Variants in ZNF680 observed in about 807,000 individuals in gnomAD.
ZNF680 encodes zinc finger protein 680.
A neutral mutation model predicts 12.1 loss-of-function variants in ZNF680; 6 were observed. The ratio of observed to expected loss-of-function variants is 0.49; its 90% CI spans 0.27 to 0.98. ZNF680 has a LOEUF of 0.98. ZNF680 is among the 50% of genes least tolerant of loss of function. The probability of loss-of-function intolerance (pLI) is 0.12; values close to 1 mark genes in which losing one functional copy is unlikely to be tolerated. For synonymous variants in ZNF680, 170 were observed against 199.3 expected (o/e 0.85, Z 1.24); for missense variants, 561 against 616.3 (o/e 0.91, Z 0.95).
chr7:64,519,584 C>T (rs1212758204), downstream of ZNF680, among the ~76,000 whole-genome samples: 4 of 151,750 alleles, frequency 2.6e-5, no homozygotes, highest in Admixed American at 6.6e-5. Flanking sequence ...CATGCTGTTT[C>T]GATGACTAAA....
intron 1 of ZNF680, 150 bp from the exon 2 acceptor site, chr7:64,544,582 A>C: frequency 7.4e-7 from 1 of 1,345,226 alleles, no homozygotes; most frequent in Non-Finnish European, 9.7e-7. Context: ...ATTATACAAT[A>C]AAATAAATTT....
At chr7:64,527,079 AG>A (rs1214686426) in intron 3 of ZNF680, among the ~76,000 whole-genome samples, 1 of 152,136 alleles carries the variant, frequency 6.6e-6, no homozygotes, top group Non-Finnish European at 1.5e-5. Context: ...CTCTACTAAA[AG>A]TACAAAAATT....
At chr7:64,500,746 G>T in the ZNF680 span, 1 of 285,060 alleles carries the variant, frequency 3.5e-6, no homozygotes, top group East Asian at 1.0e-4. Context: ...CGTAGAACCT[G>T]GGAGTAGGAG....
At chr7:64,515,910 C>A (rs1791344449), downstream of ZNF680, among the ~76,000 whole-genome samples, 1 of 152,040 alleles carries the variant, frequency 6.6e-6, no homozygotes, top group African/African-American at 2.4e-5. Flanking sequence ...GCCAAGCTTT[C>A]ACTTCAGCTT....
chr7:64,508,142 T>TATATAC, the ZNF680 span, among the ~76,000 whole-genome samples: 8 of 112,184 alleles, frequency 7.1e-5, no homozygotes, highest in South Asian at 5.7e-4. Flanking sequence ...TATATATATA[T>TATATAC]ACATAATTTT....
chr7:64,533,454 A>G (rs1274362413), intron 3 of ZNF680, among the ~76,000 whole-genome samples: 1 of 152,146 alleles, frequency 6.6e-6, no homozygotes, highest in East Asian at 1.9e-4. Flanking sequence ...AAATATACCT[A>G]ATCAATTACA....
the ZNF680 span, among the ~76,000 whole-genome samples, chr7:64,514,045 A>T: frequency 1.4e-4 from 21 of 152,160 alleles, no homozygotes; most frequent in Admixed American, 1.0e-3. Flanking sequence ...GTAATTTAAA[A>T]TTTTATTTCA....
chr7:64,531,338 G>A (rs762354125), intron 3 of ZNF680, among the ~76,000 whole-genome samples: 7 of 152,102 alleles, frequency 4.6e-5, no homozygotes, highest in Non-Finnish European at 8.8e-5. Context: ...ACTCACGCCT[G>A]TAATCCCAGC....
At chr7:64,512,367 C>T in the ZNF680 span, among the ~76,000 whole-genome samples, 8 of 148,480 alleles carry the variant, frequency 5.4e-5, no homozygotes, top group South Asian at 2.1e-4. Context: ...GCAGGAAAAT[C>T]GTTTGAACCC....
At chr7:64,529,120 A>G (rs1785724662) in intron 3 of ZNF680, among the ~76,000 whole-genome samples, 1 of 152,188 alleles carries the variant, frequency 6.6e-6, no homozygotes, top group African/African-American at 2.4e-5. Context: ...CCACAGGAAA[A>G]GGGTAGAATA....
rs573786981 is a variant in ZNF680 at position 64,557,853 on chromosome 7, G to C, written c.30+5072C>G. Among the ~76,000 whole-genome samples the C allele has an allele frequency of 5.3e-5, 8 of 152,344 alleles. No homozygotes were observed. In the South Asian group the frequency reaches 1.2e-3, roughly 24 times the overall value. ...GAGAGGAAAAACAGACACAGGCCTAGTTGAGGGTGGTGGGTAGGAGGACAG... is the reference window on the plus strand; with the variant it reads ...GAGAGGAAAAACAGACACAGGCCTACTTGAGGGTGGTGGGTAGGAGGACAG... On this transcript the variant is annotated intron_variant, in intron 1 of 3. Coordinates refer to ENST00000309683, the MANE Select transcript of ZNF680 (RefSeq NM_178558.5).
chr7:64,520,149 C>T lies in ZNF680; in HGVS notation c.*1012G>A, dbSNP rs539455617. ...TCATCATAAACCTTACATTTTAATG[C>T]CCATACTCTTCCACAGAAAAAACCA... On this transcript the variant is annotated 3_prime_UTR_variant, in exon 4 of 4. Coordinates refer to ENST00000309683, the MANE Select transcript of ZNF680 (RefSeq NM_178558.5). 6 of 151,670 alleles carry T rather than the reference C, an allele frequency of 4.0e-5. No homozygotes were observed. The highest frequency in any genetic ancestry group is 4.1e-4 in the South Asian group (2 of 4,830). The allele number at this position is 151,670 out of a possible 1,614,324, so 9.4% of individuals were successfully genotyped here. A position where few individuals can be genotyped will look rare whatever the true frequency, so the allele number is the denominator to read the frequency against.
intron 3 of ZNF680, among the ~76,000 whole-genome samples, chr7:64,527,525 G>A (rs945473338): frequency 1.6e-4 from 24 of 152,012 alleles, no homozygotes; most frequent in Non-Finnish European, 2.8e-4. Context: ...GAGAATCCCC[G>A]TCTCTACTAA....
the ZNF680 span, among the ~76,000 whole-genome samples, chr7:64,506,208 T>C: frequency 2.6e-5 from 4 of 151,122 alleles, no homozygotes; most frequent in African/African-American, 9.7e-5. Flanking sequence ...TTTTTTTTTT[T>C]TTTTTTGAGA....
chr7:64,531,100 G>A (rs1214542932), intron 3 of ZNF680, among the ~76,000 whole-genome samples: 2 of 151,788 alleles, frequency 1.3e-5, no homozygotes, highest in Non-Finnish European at 2.9e-5. Context: ...AAGAAACAAC[G>A]GACTTAAACT....
At chr7:64,502,465 G>A in the ZNF680 span, among the ~76,000 whole-genome samples, 2 of 152,112 alleles carry the variant, frequency 1.3e-5, no homozygotes, top group Non-Finnish European at 2.9e-5. Flanking sequence ...AGAAGTATGT[G>A]TGTTACACCC....
At chr7:64,547,246 T>A (rs917845763) in intron 1 of ZNF680, among the ~76,000 whole-genome samples, 2 of 152,226 alleles carry the variant, frequency 1.3e-5, no homozygotes, top group Non-Finnish European at 2.9e-5. Flanking sequence ...TTGCTCTTCC[T>A]GGGCTCATTA....
At chr7:64,529,072 A>G (rs935868943) in intron 3 of ZNF680, among the ~76,000 whole-genome samples, 1 of 152,158 alleles carries the variant, frequency 6.6e-6, no homozygotes, top group African/African-American at 2.4e-5. Context: ...TAGAAGGGAG[A>G]TAACAATCAA....
At chr7:64,560,539 C>G (rs1444530352) in intron 1 of ZNF680, among the ~76,000 whole-genome samples, 1 of 152,128 alleles carries the variant, frequency 6.6e-6, no homozygotes, top group Non-Finnish European at 1.5e-5. Context: ...AGGCTGGGTG[C>G]GGTGTCTCAT....
Sources: allele counts gnomAD v4.1 joint callset (sites outside exome capture counted in the v4.1 genomes callset), GRCh38; gene constraint gnomAD v4.1.1; transcripts MANE v1.5; gene names NCBI Gene and HGNC (gene_info 2026-07-23, HGNC 2026-07-21).